Variants in RPTOR observed in about 807,000 individuals in gnomAD.
RPTOR encodes regulatory associated protein of MTOR complex 1, also known as regulatory-associated protein of mTOR.
RPTOR carries 21 observed loss-of-function variants against 169.9 expected under a neutral mutation model. The observed-to-expected ratio is 0.12, with a 90% confidence interval of 0.09 to 0.18. The LOEUF (loss-of-function observed/expected upper bound fraction) is 0.18, where lower values mean the gene tolerates loss of function less well. RPTOR is among the 10% of genes least tolerant of loss of function. The probability of loss-of-function intolerance (pLI) is 1.00; values close to 1 mark genes in which losing one functional copy is unlikely to be tolerated. For missense variants in RPTOR, 1,133 were observed against 1,855.9 expected (o/e 0.61, Z 7.16); for synonymous variants, 732 against 753.2 (o/e 0.97, Z 0.46).
Position 80,670,663 on chromosome 17 carries a change from G to A in RPTOR, c.348+26853G>A, listed in dbSNP as rs898951772. Among the ~76,000 whole-genome samples the A allele has an allele frequency of 2.6e-5, 4 of 152,258 alleles. No homozygotes were observed. In the East Asian group the frequency reaches 7.7e-4, roughly 29 times the overall value. On this transcript the variant is annotated intron_variant, in intron 3 of 33. Transcript: ENST00000306801. ...AGATGTACCTACAGCTCCCGGCCAG[G>A]TGGTCATCCGCAGTCCACACACGCA...
At chr17:80,964,127 G>A (rs1215367144) in intron 33 of RPTOR, 135 bp from the exon 34 acceptor site, 2 of 750,464 alleles carry the variant, frequency 2.7e-6, no homozygotes, top group South Asian at 1.6e-5. Flanking sequence ...GGCATTTCCG[G>A]GCCTGAGGTG....
intron 2 of RPTOR, among the ~76,000 whole-genome samples, chr17:80,632,716 G>A (rs994003645): frequency 2.6e-5 from 4 of 152,128 alleles, no homozygotes; most frequent in Admixed American, 6.5e-5. Context: ...TAACAATATG[G>A]CATAAGAGAA....
intron 1 of RPTOR, among the ~76,000 whole-genome samples, chr17:80,619,741 C>G (rs547136687): frequency 6.6e-6 from 1 of 152,138 alleles, no homozygotes; most frequent in South Asian, 2.1e-4. Context: ...CCAAACCCTC[C>G]TGGGTGTGTT....
chr17:80,822,561 T>A (rs12103708), intron 8 of RPTOR, among the ~76,000 whole-genome samples: 24,175 of 152,250 alleles, frequency 0.16, 2,010 homozygotes, highest in Middle Eastern at 0.22. Context: ...CAGCCCTTAC[T>A]GCGCACCGGC....
intron 1 of RPTOR, among the ~76,000 whole-genome samples, chr17:80,577,896 T>A (rs961103524): frequency 7.9e-5 from 12 of 152,226 alleles, no homozygotes; most frequent in Non-Finnish European, 1.8e-4. Flanking sequence ...CTTCTTAGGC[T>A]TATGCAAACA....
intron 17 of RPTOR, among the ~76,000 whole-genome samples, chr17:80,888,315 G>A (rs572771740): frequency 6.6e-6 from 1 of 152,254 alleles, no homozygotes; most frequent in East Asian, 1.9e-4. Flanking sequence ...GGGTCTCGCT[G>A]TGTTGCCCCA....
At chr17:80,699,654 G>C (rs1340867703) in intron 3 of RPTOR, among the ~76,000 whole-genome samples, 1 of 121,310 alleles carries the variant, frequency 8.2e-6, no homozygotes, top group Non-Finnish European at 1.7e-5. Context: ...CAGTGATGGG[G>C]AGCTAGAGGT....
chr17:80,919,990 G>A (rs8071434), intron 21 of RPTOR, among the ~76,000 whole-genome samples: 5,596 of 152,310 alleles, frequency 0.037, 324 homozygotes, highest in African/African-American at 0.12. Flanking sequence ...TGTGCGGGCC[G>A]CACTCAGCCC....
rs535880899 is a variant in RPTOR, at chr17:80,896,342, C to T, written c.2401+2477C>T. ...TAGCAGCACCCATCCCATCCACGGCCGCGCCGACACCCCACACAGCCGCCC... is the reference window on the plus strand; with the variant it reads ...TAGCAGCACCCATCCCATCCACGGCTGCGCCGACACCCCACACAGCCGCCC... On this transcript the variant is annotated intron_variant, in intron 20 of 33. Transcript: ENST00000306801. Among the ~76,000 whole-genome samples, 10 of 151,996 alleles carry T rather than the reference C, an allele frequency of 6.6e-5. No individual in the cohort carries two copies. The South Asian group carries it at 1.2e-3, about 19-fold the overall frequency.
intron 24 of RPTOR, among the ~76,000 whole-genome samples, chr17:80,934,377 G>C (rs942657413): frequency 7.6e-4 from 111 of 146,000 alleles, no homozygotes; most frequent in South Asian, 1.1e-3. Context: ...TGTTTTGTTT[G>C]AGATGGGGTC....
At chr17:80,933,367 G>T (rs913021915) in intron 24 of RPTOR, among the ~76,000 whole-genome samples, 1 of 152,032 alleles carries the variant, frequency 6.6e-6, no homozygotes, top group African/African-American at 2.4e-5. Flanking sequence ...ATGCAATCAA[G>T]AAAACACTTT....
chr17:80,769,904 G>C (rs1298921615), intron 6 of RPTOR, among the ~76,000 whole-genome samples: 5 of 148,772 alleles, frequency 3.4e-5, no homozygotes, highest in Non-Finnish European at 7.4e-5. Flanking sequence ...CCTTCTTTGT[G>C]GTAGGTGCTG....
At chr17:80,583,196 T>TTTTTTTTTTTTTTTTTTTTTTTG (rs1555717407) in intron 1 of RPTOR, among the ~76,000 whole-genome samples, 1 of 137,374 alleles carries the variant, frequency 7.3e-6, no homozygotes, top group African/African-American at 2.7e-5. Flanking sequence ...TTTTTTTTTT[T>TTTTTTTTTTTTTTTTTTTTTTTG]TTTTTTTTTT....
chr17:80,738,860 A>C (rs117934333), intron 5 of RPTOR, among the ~76,000 whole-genome samples: 1 of 152,182 alleles, frequency 6.6e-6, no homozygotes, highest in African/African-American at 2.4e-5. Context: ...TTGATCTTCA[A>C]TTGATTTGTA....
intron 7 of RPTOR, among the ~76,000 whole-genome samples, chr17:80,798,285 G>A (rs1437287038): frequency 6.6e-6 from 1 of 152,168 alleles, no homozygotes; most frequent in Non-Finnish European, 1.5e-5. Context: ...ATGTCCTCTG[G>A]AGCCGCCTTG....
intron 1 of RPTOR, among the ~76,000 whole-genome samples, chr17:80,556,019 G>GTTTTTTTTTTTTTTTTTTTTTTT (rs143244019): frequency 1.4e-5 from 2 of 146,398 alleles, no homozygotes. Flanking sequence ...GATCTAAAAA[G>GTTTTTTTTTTTTTTTTTTTTTTT]TTTTTTGTTT....
chr17:80,555,777 G>C (rs531467956), intron 1 of RPTOR, among the ~76,000 whole-genome samples: 3 of 152,326 alleles, frequency 2.0e-5, no homozygotes, highest in African/African-American at 7.2e-5. Flanking sequence ...ACTTCATGTA[G>C]TTGGTGATGG....
In RPTOR at chr17:80,846,502, C is replaced by A. The variant is rs1278916001; in HGVS notation, c.1242C>A (p.Thr414=). ...GCCCGTTCTTCGCCGAGCAGCTGAC[C>A]GCATTCCAGGTGTGGCTCACCATGG... ...RHSPFFAEQL[T]AFQVWLTMGV... is the part of the protein sequence containing the mutation. Residue 414 remains threonine, a synonymous_variant, in exon 11 of 34, where the codon ACC becomes ACA. Transcript: ENST00000306801. The A allele has an allele frequency of 6.2e-7, 1 of 1,614,072 alleles. No homozygotes were observed. The highest frequency in any genetic ancestry group is 2.2e-5 in the East Asian group (1 of 44,894).
intron 7 of RPTOR, among the ~76,000 whole-genome samples, chr17:80,794,235 A>G (rs1433799688): frequency 6.6e-6 from 1 of 152,220 alleles, no homozygotes; most frequent in Non-Finnish European, 1.5e-5. Flanking sequence ...GATATCTCAA[A>G]ACTCAAAAAT....
Sources: allele counts gnomAD v4.1 joint callset (sites outside exome capture counted in the v4.1 genomes callset), GRCh38; gene constraint gnomAD v4.1.1; transcripts MANE v1.5; gene names NCBI Gene and HGNC (gene_info 2026-07-23, HGNC 2026-07-21).